The following SAMD4A variants were observed in gnomAD, a reference collection of about 807,000 sequenced individuals.
SAMD4A encodes the protein protein Smaug homolog 1.
In SAMD4A, 33 loss-of-function variants were observed where a neutral mutation model predicts 81.3. That is an observed-to-expected ratio of 0.41 (90% CI 0.31 to 0.54). The LOEUF is 0.54. Among genes scored for constraint, SAMD4A ranks in the 20% least tolerant of loss-of-function variants. The probability of loss-of-function intolerance (pLI) is 0.37; values close to 1 mark genes in which losing one functional copy is unlikely to be tolerated. For synonymous variants in SAMD4A, 389 were observed against 382.1 expected, an observed-to-expected ratio of 1.02 and a Z score of -0.21; for missense variants, 854 against 951.1, an observed-to-expected ratio of 0.90 and a Z score of 1.34.
chr14:54,626,059 T>TGCGCGCGC lies in SAMD4A; in HGVS notation c.196+57957_196+57964dup, dbSNP rs113491666. Among the ~76,000 whole-genome samples, 249 of 102,110 alleles carry TGCGCGCGC rather than the reference T, an allele frequency of 2.4e-3. 1 individual carries two copies. The highest frequency in any genetic ancestry group is 3.4e-3 in the Non-Finnish European group (169 of 49,748). 67.0% of individuals were successfully genotyped at this position (102,110 alleles called of 152,430 possible). A position where few individuals can be genotyped will look rare whatever the true frequency, so the allele number is the denominator to read the frequency against. ...GTGTGTGTGTGTGTGTGTGTGTGTG[T>TGCGCGCGC]GCGCGCGCGCGCGCGCGAGTGCGCA... On this transcript the variant is annotated intron_variant, in intron 2 of 12. Coordinates refer to ENST00000554335, the MANE Select transcript of SAMD4A (RefSeq NM_015589.6).
At chr14:54,579,625 G>A (rs564539762) in intron 2 of SAMD4A, among the ~76,000 whole-genome samples, 1 of 152,204 alleles carries the variant, frequency 6.6e-6, no homozygotes, top group South Asian at 2.1e-4. Flanking sequence ...ACTCTCCATA[G>A]CTTGGTATGG....
At chr14:54,640,665 C>T (rs1215391565) in intron 2 of SAMD4A, among the ~76,000 whole-genome samples, 1 of 152,124 alleles carries the variant, frequency 6.6e-6, no homozygotes, top group Non-Finnish European at 1.5e-5. Flanking sequence ...GGAGGTGGCA[C>T]GAGGCTTTGG....
intron 2 of SAMD4A, among the ~76,000 whole-genome samples, chr14:54,594,464 A>G (rs1365920927): frequency 6.6e-6 from 1 of 152,178 alleles, no homozygotes; most frequent in East Asian, 1.9e-4. Context: ...TTAATTAGAT[A>G]ATCAGAGCAT....
intron 4 of SAMD4A, among the ~76,000 whole-genome samples, chr14:54,742,057 G>A (rs775224609): frequency 4.6e-5 from 7 of 152,096 alleles, no homozygotes; most frequent in Admixed American, 6.5e-5. Context: ...ATCAAAGTGC[G>A]GAAGGGACAG....
At chr14:54,686,037 G>T (rs189667127) in intron 2 of SAMD4A, among the ~76,000 whole-genome samples, 1 of 152,218 alleles carries the variant, frequency 6.6e-6, no homozygotes, top group South Asian at 2.1e-4. Flanking sequence ...CTAAGCTCCA[G>T]CGAAAGCTTT....
At chr14:54,646,894 G>A (rs1285169639) in intron 2 of SAMD4A, among the ~76,000 whole-genome samples, 1 of 152,068 alleles carries the variant, frequency 6.6e-6, no homozygotes, top group Non-Finnish European at 1.5e-5. Context: ...TTTAACTAAT[G>A]GAAACTTATT....
At chr14:54,616,170 A>G (rs780608419) in intron 2 of SAMD4A, among the ~76,000 whole-genome samples, 1 of 152,200 alleles carries the variant, frequency 6.6e-6, no homozygotes. Context: ...AAAGATTATA[A>G]ATTGCCTTGC....
Position 54,751,511 on chromosome 14 carries a change from C to A in SAMD4A, c.1150C>A (p.Gln384Lys), listed in dbSNP as rs1257940699. 6 of 1,607,554 alleles carry A rather than the reference C, an allele frequency of 3.7e-6. No individual in the cohort carries two copies. The highest frequency in any genetic ancestry group is 1.3e-5 in the African/African-American group (1 of 74,724). The change falls in exon 6 of 13, where the codon CAA becomes AAA. Residue 384 changes from glutamine (Q) to lysine (K), a missense_variant. By Grantham distance (53) the Gln-to-Lys change is moderately conservative. Coordinates refer to ENST00000554335, the MANE Select transcript of SAMD4A (RefSeq NM_015589.6). ...VISIQKLKER[Q>K]NLLKSLERDI... ...CAGTATTCAGAAGCTCAAAGAAAGA[C>A]AAAATCTCCTGAAGTCTTTGGAAAG...
intron 3 of SAMD4A, among the ~76,000 whole-genome samples, chr14:54,720,064 GTTTTAC>G (rs774454312): frequency 5.9e-5 from 9 of 151,870 alleles, no homozygotes; most frequent in Non-Finnish European, 1.0e-4. Flanking sequence ...CTCCTATTTT[GTTTTAC>G]TTTTAATCTT....
intron 2 of SAMD4A, among the ~76,000 whole-genome samples, chr14:54,628,107 G>C (rs1374154982): frequency 6.6e-6 from 1 of 151,980 alleles, no homozygotes; most frequent in Non-Finnish European, 1.5e-5. Context: ...CCTTCTCCCA[G>C]AGTTGTTGGA....
intron 2 of SAMD4A, 50 bp downstream of exon 2, chr14:54,568,162 C>G: frequency 2.2e-6 from 3 of 1,394,104 alleles, no homozygotes; most frequent in Non-Finnish European, 2.8e-6. Flanking sequence ...AACCCCCGCT[C>G]CTCCCTCCGC....
intron 8 of SAMD4A, 58 bp downstream of exon 8, chr14:54,764,598 C>T (rs1162026822): frequency 2.6e-6 from 3 of 1,158,618 alleles, no homozygotes; most frequent in Admixed American, 2.0e-5. Context: ...AAATGGTTCT[C>T]AGAGTTTCTG....
chr14:54,701,939 T>C, intron 2 of SAMD4A, 123 bp from the exon 3 acceptor site: 2 of 1,098,498 alleles, frequency 1.8e-6, no homozygotes, highest in African/African-American at 1.6e-5. Flanking sequence ...ACAGGCTCTT[T>C]TGAGAAAATA....
At position 54,675,136 on chromosome 14, in the gene SAMD4A, C is replaced by T. The variant is rs112738220; in HGVS notation, c.197-26926C>T. The stretch of plus-strand genomic sequence containing the variant: ...ATCCAAGCACTTTGGGAGGCTGAGG[C>T]GGGTGGATCACCTGAGGTCAGGAGT... On this transcript the variant is annotated intron_variant, in intron 2 of 12. Coordinates refer to ENST00000554335, the MANE Select transcript of SAMD4A (RefSeq NM_015589.6). 5.7e-3 allele frequency among the ~76,000 whole-genome samples: 862 copies of T among 152,090 alleles called. 10 individuals are homozygous for T. The highest frequency in any genetic ancestry group is 0.02 in the African/African-American group (823 of 41,510).
At chr14:54,645,687 T>C (rs1241830984) in intron 2 of SAMD4A, among the ~76,000 whole-genome samples, 1 of 152,248 alleles carries the variant, frequency 6.6e-6, no homozygotes, top group African/African-American at 2.4e-5. Context: ...TAAGCTTTCA[T>C]TTTGTTTTGG....
Position 54,770,179 on chromosome 14 carries a change from C to T in SAMD4A, c.1672C>T (p.Arg558Trp), listed in dbSNP as rs528294481. ...GCAGAAGCTCTTTCGGTCTTTCCCT[C>T]GGAAAACCCTTCTAGACATATCAGG... ...QVQKLFRSFP[R>W]KTLLDISGYR... The change falls in exon 9 of 13, where the codon CGG becomes TGG. Residue 558 changes from arginine to tryptophan, a missense_variant. By Grantham distance (101) the Arg-to-Trp change is moderately radical. Transcript: ENST00000554335. The T allele has an allele frequency of 1.7e-5, 28 of 1,613,910 alleles. No individual in the cohort carries two copies. Among genetic ancestry groups the T allele is most frequent in the Non-Finnish European group, 2.1e-5 (25 of 1,179,772 alleles).
intron 8 of SAMD4A, among the ~76,000 whole-genome samples, chr14:54,767,544 T>C (rs1404444435): frequency 6.6e-6 from 1 of 152,214 alleles, no homozygotes; most frequent in Non-Finnish European, 1.5e-5. Flanking sequence ...AACCTTTTCA[T>C]CCAGCCACAT....
At position 54,590,671 on chromosome 14, in the gene SAMD4A, G is replaced by A. The variant is rs148219442; in HGVS notation, c.196+22559G>A. Among the ~76,000 whole-genome samples the A allele has an allele frequency of 2.6e-4, 40 of 152,156 alleles. No individual in the cohort carries two copies. In the East Asian group the frequency reaches 7.3e-3, roughly 28 times the overall value. ...CTGTCAGCTGTGCTGAGTCCTTCTA[G>A]GGAGTGACATTGCATTCTTTTCATG... On this transcript the variant is annotated intron_variant, in intron 2 of 12. Coordinates refer to ENST00000554335, the MANE Select transcript of SAMD4A (RefSeq NM_015589.6).
intron 2 of SAMD4A, among the ~76,000 whole-genome samples, chr14:54,681,179 GC>G (rs2036117930): frequency 1.4e-5 from 1 of 74,058 alleles, no homozygotes; most frequent in Admixed American, 1.7e-4. Context: ...CCCCCCTCCA[GC>G]CCCCCAGCCC....
Sources: allele counts gnomAD v4.1 joint callset (sites outside exome capture counted in the v4.1 genomes callset), GRCh38; gene constraint gnomAD v4.1.1; transcripts MANE v1.5; gene names NCBI Gene and HGNC (gene_info 2026-07-23, HGNC 2026-07-21).